ZBTB24: variants seen among roughly 807,000 people sequenced by gnomAD.
ZBTB24 encodes zinc finger and BTB domain containing 24.
ZBTB24 carries 32 observed loss-of-function variants against 53.8 expected under a neutral mutation model. That is an observed-to-expected ratio of 0.60 (90% CI 0.45 to 0.80). ZBTB24 has a LOEUF of 0.80. Ranked by LOEUF, ZBTB24 falls within the 30% of genes least tolerant of loss-of-function variation. The pLI, the probability that ZBTB24 is intolerant of heterozygous loss-of-function variation, is 0.00. For missense variants in ZBTB24, 722 were observed against 837.1 expected, an observed-to-expected ratio of 0.86 and a Z score of 1.70; for synonymous variants, 297 against 306.7, an observed-to-expected ratio of 0.97 and a Z score of 0.33.
chr6:109,481,455 G>A lies in ZBTB24; in HGVS notation c.572C>T (p.Ser191Leu). ...CACAAAGTTTTGTCTATTCTGAACT[G>A]AATTGTTCACTCTTAACTGTATTTC... ...EEEIQLRVNN[S>L]VQNRQNFVVK... is the part of the protein sequence containing the mutation. The change falls in exon 2 of 7, where the codon TCA (serine) becomes TTA (leucine). Residue 191 changes from serine (S) to leucine (L), a missense_variant. By Grantham distance (145) the Ser-to-Leu change is moderately radical. Coordinates refer to ENST00000230122, the MANE Select transcript of ZBTB24 (RefSeq NM_014797.3). 1 of 1,614,132 alleles carries A rather than the reference G, an allele frequency of 6.2e-7. No individual in the cohort carries two copies. The highest frequency in any genetic ancestry group is 1.1e-5 in the South Asian group (1 of 91,090).
In ZBTB24 at chr6:109,466,254, T is replaced by C. The variant is rs760497855; in HGVS notation, c.1691A>G (p.Asn564Ser). Residue 564 changes from asparagine (N) to serine (S), a missense_variant, in exon 7 of 7, where the codon AAT (asparagine) becomes AGT (serine). Coordinates refer to ENST00000230122, the MANE Select transcript of ZBTB24 (RefSeq NM_014797.3). ...TCCCTGGCTAGGACCGGGCATGAAATTGATGTTATGTACAGAATCGGTTAC... is the reference window on the plus strand; with the variant it reads ...TCCCTGGCTAGGACCGGGCATGAAACTGATGTTATGTACAGAATCGGTTAC... ...LLVTDSVHNI[N>S]FMPGPSQGIS... 3 of 1,614,182 alleles carry C rather than the reference T, an allele frequency of 1.9e-6. No homozygotes were observed. Among genetic ancestry groups the C allele is most frequent in the South Asian group, 1.1e-5 (1 of 91,090 alleles).
At chr6:109,479,170 C>A (rs1776343851) in intron 2 of ZBTB24, among the ~76,000 whole-genome samples, 2 of 152,186 alleles carry the variant, frequency 1.3e-5, no homozygotes, top group South Asian at 2.1e-4. Context: ...CCTTATGAAT[C>A]TACCTGTTAT....
intron 2 of ZBTB24, among the ~76,000 whole-genome samples, chr6:109,479,785 G>C (rs1433781794): frequency 6.6e-6 from 1 of 151,772 alleles, no homozygotes. Flanking sequence ...GCGTGGTGGC[G>C]TGTGCCTGTA....
chr6:109,472,934 C>T (rs572139468), intron 5 of ZBTB24, among the ~76,000 whole-genome samples: 1 of 152,132 alleles, frequency 6.6e-6, no homozygotes, highest in Non-Finnish European at 1.5e-5. Context: ...TGTGCTGTTC[C>T]GAGCCCCACT....
intron 6 of ZBTB24, 165 bp downstream of exon 6, chr6:109,467,488 C>A: frequency 8.3e-6 from 8 of 967,904 alleles, no homozygotes; most frequent in Non-Finnish European, 9.8e-6. Context: ...ACAGTGAGAC[C>A]CTGTCTCAAA....
chr6:109,470,392 A>T (rs528332396), intron 5 of ZBTB24, among the ~76,000 whole-genome samples: 2 of 152,298 alleles, frequency 1.3e-5, no homozygotes, highest in East Asian at 3.9e-4. Flanking sequence ...TCTTCTCAGC[A>T]GTTACTCCAC....
intron 2 of ZBTB24, among the ~76,000 whole-genome samples, chr6:109,477,279 G>A (rs1776298990): frequency 6.6e-6 from 1 of 152,168 alleles, no homozygotes; most frequent in African/African-American, 2.4e-5. Context: ...GGGATCACAG[G>A]CATGTGCCAC....
intron 5 of ZBTB24, among the ~76,000 whole-genome samples, chr6:109,474,645 A>C (rs1187983809): frequency 6.6e-6 from 1 of 151,904 alleles, no homozygotes; most frequent in African/African-American, 2.4e-5. Flanking sequence ...GAGGCAGGAG[A>C]ATCACTTGAA....
At position 109,481,919 on chromosome 6, in the gene ZBTB24, G is replaced by T; in HGVS notation, c.108C>A (p.Leu36=). Residue 36 remains leucine, a synonymous_variant, in exon 2 of 7, where the codon CTC becomes CTA. Transcript: ENST00000230122. ...SFEDQRKKGF[L]CDITLIVENV... ...TCTCCACGATTAAAGTAATGTCACA[G>T]AGGAAGCCTTTCTTCCTCTGATCCT... is the stretch of plus-strand genomic sequence containing the variant. The T allele has an allele frequency of 1.2e-6, 2 of 1,614,184 alleles. No homozygotes were observed. The highest frequency in any genetic ancestry group is 1.7e-6 in the Non-Finnish European group (2 of 1,180,030).
rs1380834874 is a variant in ZBTB24 at position 109,482,061 on chromosome 6, T to G, written c.-28-7A>C. ...AAGCCACTAAGGGTTAAATCTGAAA[T>G]AAGAAAACAAGGTTTAAAAAGGAGA... On this transcript the variant is annotated splice_region_variant and splice_polypyrimidine_tract_variant and intron_variant, in intron 1 of 6. Coordinates refer to ENST00000230122, the MANE Select transcript of ZBTB24 (RefSeq NM_014797.3). 8 of 1,595,020 alleles carry G rather than the reference T, an allele frequency of 5.0e-6. No individual in the cohort carries two copies. In the Admixed American group the frequency reaches 1.3e-4, roughly 27 times the overall value.
At position 109,476,782 on chromosome 6, in the gene ZBTB24, C is replaced by A. The variant is rs758916302; in HGVS notation, c.1101G>T (p.Glu367Asp). Reference sequence around the variant, plus strand: ...CACTACCTGAGTGCAGGCTCATGTGCTCCAGCAGTGAGTGCTTGGTGGTCA... The same window carrying A: ...CACTACCTGAGTGCAGGCTCATGTGATCCAGCAGTGAGTGCTTGGTGGTCA... The part of the protein sequence containing the change: ...KALTTKHSLL[E>D]HMSLHSGQKS... Residue 367 changes from glutamate (E) to aspartate (D), a missense_variant, in exon 3 of 7, where the codon GAG becomes GAT. Physicochemically the swap from Glu to Asp is conservative, Grantham distance 45. Coordinates refer to ENST00000230122, the MANE Select transcript of ZBTB24 (RefSeq NM_014797.3). 6.2e-7 allele frequency: 1 copy of A among 1,613,742 alleles called. No individual in the cohort carries two copies. Among genetic ancestry groups the A allele is most frequent in the East Asian group, 2.2e-5 (1 of 44,882 alleles).
chr6:109,469,805 T>C (rs988375598), intron 5 of ZBTB24, among the ~76,000 whole-genome samples: 5 of 152,188 alleles, frequency 3.3e-5, no homozygotes, highest in African/African-American at 1.2e-4. Context: ...AGGATCTGGC[T>C]AGACTGGAAA....
chr6:109,478,811 GT>G (rs1776334136), intron 2 of ZBTB24, among the ~76,000 whole-genome samples: 1 of 147,534 alleles, frequency 6.8e-6, no homozygotes, highest in African/African-American at 2.7e-5. Context: ...TTTTGTAATA[GT>G]GACAGACAAA....
intron 5 of ZBTB24, among the ~76,000 whole-genome samples, chr6:109,471,498 T>C (rs1041755659): frequency 2.0e-5 from 3 of 152,186 alleles, no homozygotes; most frequent in African/African-American, 7.2e-5. Context: ...CTTACTGAAC[T>C]TTATCATTTG....
At position 109,466,309 on chromosome 6, in the gene ZBTB24, T is replaced by C. The variant is rs1776039930; in HGVS notation, c.1636A>G (p.Thr546Ala). The change falls in exon 7 of 7, where the codon ACC (threonine) becomes GCC (alanine). Residue 546 changes from threonine (T) to alanine (A), a missense_variant. Physicochemically the swap from Thr to Ala is moderately conservative, Grantham distance 58. Transcript: ENST00000230122. ...ILQLQPYQLSTSGEQEIQLLV... is the reference protein window; with the variant it reads ...ILQLQPYQLSASGEQEIQLLV... ...AGCTGAATTTCCTGCTCTCCCGAGG[T>C]AGAGAGTTGATATGGCTGTAGCTGA... The C allele has an allele frequency of 6.2e-7, 1 of 1,614,144 alleles. No individual in the cohort carries two copies. Among genetic ancestry groups the C allele is most frequent in the Middle Eastern group, 1.6e-4 (1 of 6,062 alleles).
Position 109,464,240 on chromosome 6 carries a change from T to C in ZBTB24, c.*1611A>G, listed in dbSNP as rs1467573847. On this transcript the variant is annotated 3_prime_UTR_variant, in exon 7 of 7. Coordinates refer to ENST00000230122, the MANE Select transcript of ZBTB24 (RefSeq NM_014797.3). The stretch of plus-strand genomic sequence containing the variant: ...TAAGATATATATCATTTTGGAAGTT[T>C]TGTGAATTACATATAATAAAATATA... 6.6e-6 allele frequency: 1 copy of C among 152,194 alleles called. No homozygotes were observed. The highest frequency in any genetic ancestry group is 1.5e-5 in the Non-Finnish European group (1 of 68,032). 9.4% of individuals were successfully genotyped at this position (152,194 alleles called of 1,614,324 possible).
At chr6:109,479,915 C>CAAAAAA (rs200514874) in intron 2 of ZBTB24, among the ~76,000 whole-genome samples, 4 of 41,824 alleles carry the variant, frequency 9.6e-5, no homozygotes, top group Non-Finnish European at 1.8e-4. Context: ...GAATCCATCT[C>CAAAAAA]AAAAAAAAAA....
At chr6:109,467,561 G>A in intron 6 of ZBTB24, 92 bp downstream of exon 6, 1 of 1,597,034 alleles carries the variant, frequency 6.3e-7, no homozygotes, top group Non-Finnish European at 8.5e-7. Flanking sequence ...AGTAACAACT[G>A]GGAGAAAACT....
intron 4 of ZBTB24, 86 bp downstream of exon 4, chr6:109,476,089 G>T: frequency 6.8e-7 from 1 of 1,473,904 alleles, no homozygotes; most frequent in Non-Finnish European, 9.5e-7. Context: ...TGTGCTAAGA[G>T]CAGAACAATA....
Sources: allele counts gnomAD v4.1 joint callset (sites outside exome capture counted in the v4.1 genomes callset), GRCh38; gene constraint gnomAD v4.1.1; transcripts MANE v1.5; gene names NCBI Gene and HGNC (gene_info 2026-07-23, HGNC 2026-07-21).